The following DNTTIP2 variants were observed in gnomAD, a reference collection of about 807,000 sequenced individuals.
The protein encoded by DNTTIP2 is deoxynucleotidyltransferase terminal-interacting protein 2.
In DNTTIP2, 47 loss-of-function variants were observed where a neutral mutation model predicts 62.4. The observed-to-expected ratio is 0.75, with a 90% CI of 0.60 to 0.96. The LOEUF (loss-of-function observed/expected upper bound fraction) is 0.96, where lower values mean the gene tolerates loss of function less well. Ranked by LOEUF, DNTTIP2 falls within the 40% of genes least tolerant of loss-of-function variation. The pLI, the probability that DNTTIP2 is intolerant of heterozygous loss-of-function variation, is 0.00. For missense variants in DNTTIP2, 870 were observed against 849.1 expected (o/e 1.02, Z -0.31); for synonymous variants, 322 against 300.9 (o/e 1.07, Z -0.73).
chr1:93,871,573 T>G (rs1473013166), intron 5 of DNTTIP2, among the ~76,000 whole-genome samples: 2 of 152,200 alleles, frequency 1.3e-5, no homozygotes, highest in Non-Finnish European at 2.9e-5. Flanking sequence ...TGTTGGAATT[T>G]GTTGGGCTAT....
At position 93,869,618 on chromosome 1, in the gene DNTTIP2, A is replaced by AT. The variant is rs959271737; in HGVS notation, c.*232dup. 3.4e-5 allele frequency: 13 copies of AT among 379,634 alleles called. No individual in the cohort carries two copies. Among genetic ancestry groups the AT allele is most frequent in the Non-Finnish European group, 4.4e-5 (9 of 205,836 alleles). The allele number at this position is 379,634 out of a possible 1,614,324, so 23.5% of individuals were successfully genotyped here. ...CATCAGTTATCTTAAAATGGTTGAGATTTTTTTTCCTTTTTTCCCATAAAG... is the reference window on the plus strand; with the variant it reads ...CATCAGTTATCTTAAAATGGTTGAGATTTTTTTTTCCTTTTTTCCCATAAAG... On this transcript the variant is annotated 3_prime_UTR_variant, in exon 7 of 7. Transcript: ENST00000436063.
In DNTTIP2 at chr1:93,876,835, A is replaced by G; in HGVS notation, c.1100T>C (p.Phe367Ser). 1 of 1,613,960 alleles carries G rather than the reference A, an allele frequency of 6.2e-7. No homozygotes were observed. The highest frequency in any genetic ancestry group is 8.5e-7 in the Non-Finnish European group (1 of 1,179,882). The change falls in exon 2 of 7, where the codon TTT becomes TCT. Residue 367 changes from phenylalanine (F) to serine (S), a missense_variant. Phe to Ser is a radical substitution (Grantham distance 155, BLOSUM62 -2). Coordinates refer to ENST00000436063, the MANE Select transcript of DNTTIP2 (RefSeq NM_014597.5). Reference sequence around the variant, plus strand: ...CCATCTGCCTACTTCCACAGTTGCAAATGTTTGAGTTAATGATTTCATTAC... The same window carrying G: ...CCATCTGCCTACTTCCACAGTTGCAGATGTTTGAGTTAATGATTTCATTAC... Reference protein sequence around the residue: ...EAVMKSLTQTFATVEVGRWNN... With the variant: ...EAVMKSLTQTSATVEVGRWNN...
In DNTTIP2 at chr1:93,879,206, C is replaced by T. The variant is rs1313840171; in HGVS notation, c.-58G>A. The T allele has an allele frequency of 1.3e-6, 2 of 1,593,892 alleles. No homozygotes were observed. Among genetic ancestry groups the T allele is most frequent in the Non-Finnish European group, 1.7e-6 (2 of 1,173,472 alleles). On this transcript the variant is annotated 5_prime_UTR_variant, in exon 1 of 7. Coordinates refer to ENST00000436063, the MANE Select transcript of DNTTIP2 (RefSeq NM_014597.5). ...CCTCTTCCCTGGCGCTCCGGAAATGCGTCAGAGAACTGCCTCGAGCGCGTT... is the reference window on the plus strand; with the variant it reads ...CCTCTTCCCTGGCGCTCCGGAAATGTGTCAGAGAACTGCCTCGAGCGCGTT...
In DNTTIP2 at chr1:93,869,535, C is replaced by G; in HGVS notation, c.*316G>C. The stretch of plus-strand genomic sequence containing the variant: ...TTTGAACATGTTAGCAAACTTTATA[C>G]TTCCTATCTTTTAATTAAATTTTCT... On this transcript the variant is annotated 3_prime_UTR_variant, in exon 7 of 7. Coordinates refer to ENST00000436063, the MANE Select transcript of DNTTIP2 (RefSeq NM_014597.5). 1 of 233,692 alleles carries G rather than the reference C, an allele frequency of 4.3e-6. No individual in the cohort carries two copies. The highest frequency in any genetic ancestry group is 8.4e-6 in the Non-Finnish European group (1 of 118,590). 14.5% of individuals were successfully genotyped at this position (233,692 alleles called of 1,614,324 possible).
chr1:93,878,091 G>A (rs1373363579), intron 1 of DNTTIP2, among the ~76,000 whole-genome samples: 2 of 152,144 alleles, frequency 1.3e-5, no homozygotes, highest in African/African-American at 2.4e-5. Context: ...TGGATCACGA[G>A]GTCAGGAGTT....
At position 93,876,978 on chromosome 1, in the gene DNTTIP2, C is replaced by T. The variant is rs775492950; in HGVS notation, c.957G>A (p.Gln319=). 1.2e-6 allele frequency: 2 copies of T among 1,613,026 alleles called. No individual in the cohort carries two copies. Among genetic ancestry groups the T allele is most frequent in the South Asian group, 2.2e-5 (2 of 90,982 alleles). The part of the protein sequence containing the change: ...EGKEINEKSS[Q]LKNLSELQDT... ...CCTGAAGTTCAGAAAGATTCTTCAG[C>T]TGAGAACTTTTCTCATTAATTTCTT... is the stretch of plus-strand genomic sequence containing the variant. The change falls in exon 2 of 7, where the codon CAG becomes CAA. Residue 319 remains glutamine (Q), a synonymous_variant. Coordinates refer to ENST00000436063, the MANE Select transcript of DNTTIP2 (RefSeq NM_014597.5).
intron 5 of DNTTIP2, among the ~76,000 whole-genome samples, 154 bp downstream of exon 5, chr1:93,871,918 T>C (rs775145879): frequency 2.6e-5 from 4 of 152,212 alleles, no homozygotes; most frequent in Non-Finnish European, 1.5e-5. Context: ...AATTGGGTAA[T>C]GGCCATTCTT....
At chr1:93,876,024 T>C (rs1230128206) in intron 2 of DNTTIP2, among the ~76,000 whole-genome samples, 6 of 76,190 alleles carry the variant, frequency 7.9e-5, no homozygotes, top group Admixed American at 7.2e-4. Context: ...AGTGCAGTAG[T>C]GACCACTGCA....
In DNTTIP2 at chr1:93,872,144, C is replaced by A. The variant is rs778437106; in HGVS notation, c.1995G>T (p.Lys665Asn). Residue 665 changes from lysine to asparagine, a missense_variant, in exon 5 of 7, where the codon AAG becomes AAT. Lys to Asn is a moderately conservative substitution (Grantham distance 94). Transcript: ENST00000436063. ...TTTTCGGGTCCATGCTGGCTCTCATCTTCAGTGCTTTGAGATCATTTTTCA... is the reference window on the plus strand; with the variant it reads ...TTTTCGGGTCCATGCTGGCTCTCATATTCAGTGCTTTGAGATCATTTTTCA... ...NELKNDLKALKMRASMDPKRF... is the reference protein window; with the variant it reads ...NELKNDLKALNMRASMDPKRF... The A allele has an allele frequency of 1.9e-6, 3 of 1,613,876 alleles. No homozygotes were observed. The East Asian group carries it at 6.7e-5, about 36-fold the overall frequency.
At position 93,866,869 on chromosome 1, in the gene DNTTIP2, CGTG is replaced by C. The variant is rs1655734605; in HGVS notation, c.*2979_*2981del. ...TGTTTTAAGAACATTTTGGGCCAGA[CGTG>C]GTGGCTCCTGCCTGTAATCCCAGCA... On this transcript the variant is annotated 3_prime_UTR_variant, in exon 7 of 7. Coordinates refer to ENST00000436063, the MANE Select transcript of DNTTIP2 (RefSeq NM_014597.5). 6.6e-6 allele frequency: 1 copy of C among 152,202 alleles called. No individual in the cohort carries two copies. The highest frequency in any genetic ancestry group is 2.4e-5 in the African/African-American group (1 of 41,450). The allele number at this position is 152,202 out of a possible 1,614,324, so 9.4% of individuals were successfully genotyped here. A position where few individuals can be genotyped will look rare whatever the true frequency, so the allele number is the denominator to read the frequency against.
At chr1:93,874,074 T>G (rs544685434) in intron 3 of DNTTIP2, among the ~76,000 whole-genome samples, 3 of 152,360 alleles carry the variant, frequency 2.0e-5, no homozygotes, top group African/African-American at 7.2e-5. Context: ...GTGGTATAGG[T>G]AGCCGTCTAG....
At chr1:93,876,229 C>T (rs923699229) in intron 2 of DNTTIP2, 39 bp downstream of exon 2, 6 of 1,443,848 alleles carry the variant, frequency 4.2e-6, no homozygotes, top group African/African-American at 2.9e-5. Context: ...ACTTGAAATA[C>T]ATGTATCAAA....
chr1:93,875,232 C>T (rs1655970199), intron 3 of DNTTIP2, among the ~76,000 whole-genome samples: 1 of 152,204 alleles, frequency 6.6e-6, no homozygotes, highest in Non-Finnish European at 1.5e-5. Context: ...GTTACCTTAA[C>T]AGTAATTCCT....
rs771978243 is a variant in DNTTIP2, at chr1:93,879,143, C to G, written c.6G>C (p.Val2=). Residue 2 remains valine (V), a synonymous_variant, in exon 1 of 7, where the codon GTG becomes GTC. Transcript: ENST00000436063. ...CCTTAGCCCGTGCAGATCTGGTAAC[C>G]ACCATCTTTCCGGCTCCCTCGCGAC... M[V]VTRSARAKAS... is the part of the protein sequence containing the mutation. The G allele has an allele frequency of 6.2e-7, 1 of 1,612,890 alleles. No individual in the cohort carries two copies. Among genetic ancestry groups the G allele is most frequent in the Non-Finnish European group, 8.5e-7 (1 of 1,179,640 alleles).
At chr1:93,875,151 T>A (rs1312713446) in intron 3 of DNTTIP2, among the ~76,000 whole-genome samples, 1 of 152,210 alleles carries the variant, frequency 6.6e-6, no homozygotes, top group African/African-American at 2.4e-5. Context: ...GTGAGAAGCA[T>A]CAAGGCTAGA....
At chr1:93,872,594 G>T (rs1655894604) in intron 4 of DNTTIP2, among the ~76,000 whole-genome samples, 1 of 152,118 alleles carries the variant, frequency 6.6e-6, no homozygotes, top group South Asian at 2.1e-4. Context: ...CGTTTCTAGA[G>T]CTTATATGTA....
intron 1 of DNTTIP2, 33 bp from the exon 2 acceptor site, chr1:93,877,895 G>A (rs750537633): frequency 4.4e-6 from 7 of 1,581,738 alleles, no homozygotes; most frequent in Middle Eastern, 3.3e-4. Context: ...TGTAATTTAG[G>A]TAGGGCTGGA....
chr1:93,872,091 C>G lies in DNTTIP2; in HGVS notation c.2048G>C (p.Gly683Ala). ...TCATACCTGGAAGTACTTGGGGAAGCCATCTCTATCATTTTTCTTGTAAAA... is the reference window on the plus strand; with the variant it reads ...TCATACCTGGAAGTACTTGGGGAAGGCATCTCTATCATTTTTCTTGTAAAA... ...KRFYKKNDRD[G>A]FPKYFQIGTI... Residue 683 changes from glycine to alanine, a missense_variant, in exon 5 of 7, where the codon GGC becomes GCC. Transcript: ENST00000436063. The G allele has an allele frequency of 1.2e-6, 2 of 1,613,762 alleles. No individual in the cohort carries two copies. Among genetic ancestry groups the G allele is most frequent in the Non-Finnish European group, 1.7e-6 (2 of 1,179,774 alleles).
chr1:93,875,231 A>C (rs1397577181), intron 3 of DNTTIP2, among the ~76,000 whole-genome samples: 1 of 152,270 alleles, frequency 6.6e-6, no homozygotes, highest in East Asian at 1.9e-4. Flanking sequence ...AGTTACCTTA[A>C]CAGTAATTCC....
Sources: gnomAD v4.1 joint callset for allele counts (sites outside exome capture counted in the v4.1 genomes callset) on GRCh38, gnomAD v4.1.1 for gene constraint, MANE v1.5 for transcripts, NCBI Gene and HGNC (gene_info 2026-07-23, HGNC 2026-07-21) for gene names.